The following SRCIN1 variants were observed in gnomAD, a reference collection of about 807,000 sequenced individuals.
SRCIN1 encodes the protein SRC kinase signaling inhibitor 1.
SRCIN1 carries 50 observed loss-of-function variants against 116.2 expected under a neutral mutation model. The ratio of observed to expected loss-of-function variants is 0.43; its 90% CI spans 0.34 to 0.54. The LOEUF is 0.54. Ranked by LOEUF, SRCIN1 falls within the 20% of genes least tolerant of loss-of-function variation. The probability of loss-of-function intolerance (pLI) is 0.02; values close to 1 mark genes in which losing one functional copy is unlikely to be tolerated. For missense variants in SRCIN1, 1,446 were observed against 1,672.0 expected, an observed-to-expected ratio of 0.86 and a Z score of 2.36; for synonymous variants, 736 against 750.0, an observed-to-expected ratio of 0.98 and a Z score of 0.30.
At chr17:38,533,577 GA>G (rs1814813274) in intron 18 of SRCIN1, 146 bp from the exon 19 acceptor site, 1 of 443,402 alleles carries the variant, frequency 2.3e-6, no homozygotes, top group South Asian at 4.1e-5. Context: ...CATCTGGAGA[GA>G]GGGGTCCCTT....
chr17:38,536,202 A>G (rs917660576), intron 18 of SRCIN1, among the ~76,000 whole-genome samples: 2 of 152,302 alleles, frequency 1.3e-5, no homozygotes, highest in South Asian at 2.1e-4. Context: ...CCCTCCCGGG[A>G]GACTCTGGAC....
rs185507455 is a variant in SRCIN1, at chr17:38,568,142, G to A, written c.345+69C>T. 9.2e-4 allele frequency: 1,462 copies of A among 1,582,828 alleles called. 2 individuals carry two copies. The highest frequency in any genetic ancestry group is 8.9e-4 in the Non-Finnish European group (1,027 of 1,155,178). On this transcript the variant is annotated intron_variant, in intron 3 of 18. Coordinates refer to ENST00000617146, the MANE Select transcript of SRCIN1 (RefSeq NM_025248.3). The surrounding 1 kb of genome is among the most constrained non-coding windows in gnomAD (Gnocchi z 4.5). ...GCACCCCGGTGCAAAGCCTGTGCAA[G>A]GGAGAGGCAGGGGCAGGGGAGGGAG...
Position 38,562,711 on chromosome 17 carries a change from C to A in SRCIN1, c.834+116G>T, listed in dbSNP as rs1906355900. On this transcript the variant is annotated intron_variant, in intron 6 of 18. Transcript: ENST00000617146. The surrounding 1 kb of genome is among the most constrained non-coding windows in gnomAD (Gnocchi z 4.2). ...AGGGGCTCTTCCCTAACCCCTCAGCCCCTATGCTGTCTTCTCCAAAGCTGG... is the reference window on the plus strand; with the variant it reads ...AGGGGCTCTTCCCTAACCCCTCAGCACCTATGCTGTCTTCTCCAAAGCTGG... 1.1e-5 allele frequency: 10 copies of A among 889,796 alleles called. No homozygotes were observed. The highest frequency in any genetic ancestry group is 2.5e-5 in the Admixed American group (1 of 40,456). 55.1% of individuals were successfully genotyped at this position (889,796 alleles called of 1,614,324 possible).
At position 38,531,807 on chromosome 17, in the gene SRCIN1, G is replaced by C. The variant is rs2040926057; in HGVS notation, c.*1490C>G. On this transcript the variant is annotated 3_prime_UTR_variant, in exon 19 of 19. Coordinates refer to ENST00000617146, the MANE Select transcript of SRCIN1 (RefSeq NM_025248.3). Reference sequence around the variant, plus strand: ...TTCCCCAGCCAGGCCCCAGGGTCTGGGGGGCTCTGCCTTCTGCGCAGCTCC... The same window carrying C: ...TTCCCCAGCCAGGCCCCAGGGTCTGCGGGGCTCTGCCTTCTGCGCAGCTCC... 6.6e-6 allele frequency: 1 copy of C among 152,604 alleles called. No individual in the cohort carries two copies. The highest frequency in any genetic ancestry group is 2.4e-5 in the African/African-American group (1 of 41,426). The allele number at this position is 152,604 out of a possible 1,614,324, so 9.5% of individuals were successfully genotyped here.
chr17:38,586,835 G>C (rs1159374721), intron 1 of SRCIN1, among the ~76,000 whole-genome samples: 1 of 152,254 alleles, frequency 6.6e-6, no homozygotes, highest in East Asian at 1.9e-4. Flanking sequence ...AAACGAGTCA[G>C]AATCTAATTA....
At chr17:38,565,913 G>C (rs1906652774) in intron 3 of SRCIN1, among the ~76,000 whole-genome samples, 1 of 152,184 alleles carries the variant, frequency 6.6e-6, no homozygotes, top group East Asian at 1.9e-4. Flanking sequence ...TTGTGCTTGT[G>C]ACCGAGAGGC....
intron 1 of SRCIN1, among the ~76,000 whole-genome samples, chr17:38,587,897 A>T (rs1409924999): frequency 3.3e-5 from 5 of 152,046 alleles, no homozygotes; most frequent in Non-Finnish European, 7.4e-5. Flanking sequence ...CGTGCCCAGA[A>T]TTCCAGATAT....
At chr17:38,605,308 C>A (rs113573739) in intron 1 of SRCIN1, among the ~76,000 whole-genome samples, 1 of 145,082 alleles carries the variant, frequency 6.9e-6, no homozygotes, top group Admixed American at 6.9e-5. Flanking sequence ...CTTCTCCCCC[C>A]ACCCTCCTCA....
At chr17:38,551,001 T>TC (rs2143092965) in intron 15 of SRCIN1, among the ~76,000 whole-genome samples, 154 bp downstream of exon 15, 1 of 152,296 alleles carries the variant, frequency 6.6e-6, no homozygotes, top group African/African-American at 2.4e-5. Flanking sequence ...GGTCCCAGTC[T>TC]CCCTTTAGTG....
intron 14 of SRCIN1, chr17:38,551,649 T>C: frequency 4.5e-6 from 3 of 668,302 alleles, no homozygotes; most frequent in East Asian, 2.7e-5. Context: ...ACTGACTACA[T>C]AGTCTATTCT....
Position 38,540,740 on chromosome 17 carries a change from G to GGTGTGTGT in SRCIN1, c.3417+3075_3417+3082dup, listed in dbSNP as rs151164930. Among the ~76,000 whole-genome samples the GGTGTGTGT allele has an allele frequency of 2.9e-3, 420 of 146,836 alleles. 2 individuals carry two copies. Among genetic ancestry groups the GGTGTGTGT allele is most frequent in the African/African-American group, 9.5e-3 (375 of 39,654 alleles). The stretch of plus-strand genomic sequence containing the variant: ...GGGGCAGGGATTTTAAGCTGGCAGG[G>GGTGTGTGT]GTGTGTGTGTGTGTGTGTGTGTGTG... On this transcript the variant is annotated intron_variant, in intron 18 of 18. Coordinates refer to ENST00000617146, the MANE Select transcript of SRCIN1 (RefSeq NM_025248.3).
At chr17:38,584,467 C>T (rs1244679341) in intron 1 of SRCIN1, among the ~76,000 whole-genome samples, 1 of 152,202 alleles carries the variant, frequency 6.6e-6, no homozygotes, top group Non-Finnish European at 1.5e-5. Flanking sequence ...TCAGCCTGCC[C>T]CGCCTGGGAA....
chr17:38,561,343 G>A (rs1906224174), intron 7 of SRCIN1, 120 bp downstream of exon 7: 2 of 1,228,674 alleles, frequency 1.6e-6, no homozygotes, highest in Non-Finnish European at 2.1e-6. Context: ...ACTACTCAAG[G>A]TCTCCAAAGG....
At chr17:38,605,601 A>G in intron 1 of SRCIN1, 83 bp downstream of exon 1, 5 of 1,059,382 alleles carry the variant, frequency 4.7e-6, no homozygotes, top group Non-Finnish European at 6.3e-6. Flanking sequence ...CCCCCGGCCG[A>G]GGGGGAAAAC....
At chr17:38,553,643 T>G (rs190976157) in intron 11 of SRCIN1, among the ~76,000 whole-genome samples, 1 of 152,270 alleles carries the variant, frequency 6.6e-6, no homozygotes, top group Non-Finnish European at 1.5e-5. Context: ...ATGCTGAACT[T>G]GTGTCATTTG....
chr17:38,577,567 T>C (rs1907496167), intron 2 of SRCIN1, among the ~76,000 whole-genome samples: 1 of 152,152 alleles, frequency 6.6e-6, no homozygotes, highest in Non-Finnish European at 1.5e-5. Context: ...CCCCCAGGCT[T>C]GACTGAAAGG....
At chr17:38,560,138 G>GC (rs1224661677) in intron 8 of SRCIN1, 41 bp from the exon 9 acceptor site, 1 of 1,516,594 alleles carries the variant, frequency 6.6e-7, no homozygotes, top group African/African-American at 1.4e-5. Flanking sequence ...GTCCAGGCCA[G>GC]CCCCAGACCT....
intron 1 of SRCIN1, among the ~76,000 whole-genome samples, chr17:38,601,724 T>C (rs965690793): frequency 1.3e-5 from 2 of 152,092 alleles, no homozygotes; most frequent in Admixed American, 6.5e-5. Context: ...CTGACAATTA[T>C]GGCACCTGAC....
chr17:38,573,584 G>C (rs2502366), intron 2 of SRCIN1, among the ~76,000 whole-genome samples: 54,797 of 152,038 alleles, frequency 0.36, 14,087 homozygotes, highest in African/African-American at 0.74. Flanking sequence ...GCTCCCCCAA[G>C]CCCCTGACTT....
Sources: gnomAD v4.1 joint callset for allele counts (sites outside exome capture counted in the v4.1 genomes callset) on GRCh38, gnomAD v4.1.1 for gene constraint, Gnocchi (gnomAD v3.1) non-coding constraint, MANE v1.5 for transcripts, NCBI Gene and HGNC (gene_info 2026-07-23, HGNC 2026-07-21) for gene names.